SBNO2: variants seen among roughly 807,000 people sequenced by gnomAD.
The protein encoded by SBNO2 is protein strawberry notch homolog 2.
Under a neutral mutation model 146.3 loss-of-function variants are expected in SBNO2, and 89 were observed. The observed-to-expected ratio is 0.61, with a 90% CI of 0.51 to 0.73. SBNO2 has a LOEUF of 0.73. SBNO2 is among the 30% of genes least tolerant of loss of function. SBNO2 has a pLI of 0.00. For synonymous variants in SBNO2, 1,147 were observed against 892.6 expected (o/e 1.29, Z -5.08); for missense variants, 2,092 against 2,003.7 (o/e 1.04, Z -0.84).
Position 1,150,845 on chromosome 19 carries a change from TCCAGGACCCC to T in SBNO2, c.94-1413_94-1404del, listed in dbSNP as rs1195682935. 6.6e-6 allele frequency among the ~76,000 whole-genome samples: 1 copy of T among 152,160 alleles called. No individual in the cohort carries two copies. Among genetic ancestry groups the T allele is most frequent in the Non-Finnish European group, 1.5e-5 (1 of 68,012 alleles). ...TACCCGCAGGTGCTGGGTGGGGGAT[TCCAGGACCCC>T]CGACAGCCTCGAGATAGGCAAAGCC... On this transcript the variant is annotated intron_variant, in intron 2 of 31. Transcript: ENST00000361757. The surrounding 1 kb of genome is among the most constrained non-coding windows in gnomAD (Gnocchi z 6.2).
chr19:1,109,303 T>TG lies in SBNO2; in HGVS notation c.3336dup (p.Lys1113GlnfsTer41). On this transcript the variant is annotated frameshift_variant, in exon 29 of 32. Coordinates refer to ENST00000361757, the MANE Select transcript of SBNO2 (RefSeq NM_014963.3). LOFTEE classifies it high-confidence loss of function. The surrounding 1 kb of genome is among the most constrained non-coding windows in gnomAD (Gnocchi z 4.2). ...CGGCGGCCGCCTACCCGGTGGAACT[T>TG]GCGGCGGAGGCTGTCCAGGGCCTCC... 6.3e-7 allele frequency: 1 copy of TG among 1,596,402 alleles called. No individual in the cohort carries two copies. The highest frequency in any genetic ancestry group is 8.5e-7 in the Non-Finnish European group (1 of 1,172,662).
At chr19:1,156,752 T>C (rs2080293232) in intron 1 of SBNO2, among the ~76,000 whole-genome samples, 1 of 152,098 alleles carries the variant, frequency 6.6e-6, no homozygotes, top group Non-Finnish European at 1.5e-5. Flanking sequence ...CAGGCACAGA[T>C]GTGTGTGATC....
intron 4 of SBNO2, among the ~76,000 whole-genome samples, chr19:1,139,790 G>T (rs2080118400): frequency 6.6e-6 from 1 of 151,410 alleles, no homozygotes; most frequent in African/African-American, 2.4e-5. Flanking sequence ...GTGAGACTTT[G>T]TCTCAAAAAT....
intron 1 of SBNO2, among the ~76,000 whole-genome samples, chr19:1,167,945 CT>C (rs1031248595): frequency 1.4e-4 from 22 of 152,306 alleles, no homozygotes; most frequent in African/African-American, 4.3e-4. Flanking sequence ...GAGTATCCCC[CT>C]CTCAGTGTAA....
intron 1 of SBNO2, among the ~76,000 whole-genome samples, chr19:1,172,570 C>G (rs1027303708): frequency 6.6e-6 from 1 of 152,176 alleles, no homozygotes; most frequent in Non-Finnish European, 1.5e-5. Flanking sequence ...GGAGGGCACC[C>G]GAAACAGCAC....
At position 1,109,295 on chromosome 19, in the gene SBNO2, G is replaced by A. The variant is rs1179343666; in HGVS notation, c.3345C>T (p.His1115=). The part of the protein sequence containing the change: ...EALDSLRRKF[H]RVTAEEAKEP... ...GCTGCGCCCGGCGGCCGCCTACCCGGTGGAACTTGCGGCGGAGGCTGTCCA... is the reference window on the plus strand; with the variant it reads ...GCTGCGCCCGGCGGCCGCCTACCCGATGGAACTTGCGGCGGAGGCTGTCCA... Residue 1115 remains histidine, a synonymous_variant, in exon 29 of 32, where the codon CAC becomes CAT. Coordinates refer to ENST00000361757, the MANE Select transcript of SBNO2 (RefSeq NM_014963.3). This position sits in a 1 kb window ranked among gnomAD's most constrained non-coding sequence, Gnocchi z 4.2. 6.3e-7 allele frequency: 1 copy of A among 1,594,666 alleles called. No homozygotes were observed. Among genetic ancestry groups the A allele is most frequent in the East Asian group, 2.3e-5 (1 of 43,998 alleles).
At position 1,109,466 on chromosome 19, in the gene SBNO2, G is replaced by A. The variant is rs1315877152; in HGVS notation, c.3216+40C>T. 7.7e-6 allele frequency: 12 copies of A among 1,568,302 alleles called. No homozygotes were observed. The highest frequency in any genetic ancestry group is 1.9e-5 in the Admixed American group (1 of 52,648). The stretch of plus-strand genomic sequence containing the variant: ...GAGGCCGCGCCCCGGTCCGCCCCCC[G>A]CGGGCCCTCCTCTGGGGGGGTAACC... On this transcript the variant is annotated intron_variant, in intron 28 of 31. Coordinates refer to ENST00000361757, the MANE Select transcript of SBNO2 (RefSeq NM_014963.3). This position sits in a 1 kb window ranked among gnomAD's most constrained non-coding sequence, Gnocchi z 4.2.
rs1444278904 is a variant in SBNO2, at chr19:1,173,075, T to C, written c.-127+1097A>G. 6.6e-6 allele frequency among the ~76,000 whole-genome samples: 1 copy of C among 151,416 alleles called. No individual in the cohort carries two copies. Among genetic ancestry groups the C allele is most frequent in the Non-Finnish European group, 1.5e-5 (1 of 67,868 alleles). Reference sequence around the variant, plus strand: ...ACCGTCCCTGCCCCAGCACCATCCGTGCCCGGCGTCCCTGGAGGCGCTGGG... The same window carrying C: ...ACCGTCCCTGCCCCAGCACCATCCGCGCCCGGCGTCCCTGGAGGCGCTGGG... On this transcript the variant is annotated intron_variant, in intron 1 of 31. Coordinates refer to ENST00000361757, the MANE Select transcript of SBNO2 (RefSeq NM_014963.3). The surrounding 1 kb of genome is among the most constrained non-coding windows in gnomAD (Gnocchi z 4.7).
chr19:1,107,958 C>A lies in SBNO2; in HGVS notation c.*262G>T. ...CACTGAGCCCTTGTGGGTGCCCAGT[C>A]CCAGAGCAGCCACCCGGAGCCCCTT... On this transcript the variant is annotated 3_prime_UTR_variant, in exon 32 of 32. Transcript: ENST00000361757. 1 of 284,470 alleles carries A rather than the reference C, an allele frequency of 3.5e-6. No homozygotes were observed. The highest frequency in any genetic ancestry group is 6.6e-6 in the Non-Finnish European group (1 of 151,002). The allele number at this position is 284,470 out of a possible 1,614,324, so 17.6% of individuals were successfully genotyped here. A position where few individuals can be genotyped will look rare whatever the true frequency, so the allele number is the denominator to read the frequency against.
intron 5 of SBNO2, among the ~76,000 whole-genome samples, chr19:1,125,393 G>A (rs932878369): frequency 4.7e-5 from 7 of 150,134 alleles, no homozygotes; most frequent in African/African-American, 7.4e-5. Context: ...AGCGTGGGCC[G>A]GGCATGGTGG....
At chr19:1,155,149 A>G (rs2080278733) in intron 1 of SBNO2, 1 of 152,146 alleles carries the variant, frequency 6.6e-6, no homozygotes, top group South Asian at 2.1e-4. Context: ...GCGTCCGCCC[A>G]GCATGCTCAC....
chr19:1,110,862 G>A lies in SBNO2; in HGVS notation c.2911C>T (p.Arg971Cys), dbSNP rs774717752. ...TTGTGCACCTCCAGCCCCAGGATGC[G>A]GTTCAGGAACTTGGTGATGGAACAG... ...KDCSITKFLN[R>C]ILGLEVHKQN... The change falls in exon 26 of 32, where the codon CGC (arginine) becomes TGC (cysteine). Residue 971 changes from arginine to cysteine, a missense_variant. By Grantham distance (180) the Arg-to-Cys change is radical. Transcript: ENST00000361757. This position sits in a 1 kb window ranked among gnomAD's most constrained non-coding sequence, Gnocchi z 4.9. 3.7e-6 allele frequency: 6 copies of A among 1,613,598 alleles called. No individual in the cohort carries two copies. The highest frequency in any genetic ancestry group is 5.1e-6 in the Non-Finnish European group (6 of 1,179,754).
intron 1 of SBNO2, among the ~76,000 whole-genome samples, chr19:1,163,752 C>G (rs993172663): frequency 2.0e-5 from 3 of 152,240 alleles, no homozygotes; most frequent in Non-Finnish European, 2.9e-5. Flanking sequence ...CCTGACATTT[C>G]TCAAGCATGC....
At position 1,108,382 on chromosome 19, in the gene SBNO2, C is replaced by T; in HGVS notation, c.3939G>A (p.Lys1313=). Residue 1313 remains lysine (K), a synonymous_variant, in exon 32 of 32, where the codon AAG becomes AAA. Coordinates refer to ENST00000361757, the MANE Select transcript of SBNO2 (RefSeq NM_014963.3). ...LAHQGCDINF[K]EVLEDMLRSL... Reference sequence around the variant, plus strand: ...AGCGCAGCATGTCCTCCAGCACCTCCTTGAAGTTGATGTCGCAGCCCTGGT... The same window carrying T: ...AGCGCAGCATGTCCTCCAGCACCTCTTTGAAGTTGATGTCGCAGCCCTGGT... 2.3e-6 allele frequency: 3 copies of T among 1,288,982 alleles called. No individual in the cohort carries two copies. Among genetic ancestry groups the T allele is most frequent in the East Asian group, 3.9e-5 (1 of 25,338 alleles). The allele number at this position is 1,288,982 out of a possible 1,614,324, so 79.8% of individuals were successfully genotyped here. A position where few individuals can be genotyped will look rare whatever the true frequency, so the allele number is the denominator to read the frequency against.
At chr19:1,119,825 G>A (rs1004475744) in intron 12 of SBNO2, 81 bp downstream of exon 12, 25 of 1,140,514 alleles carry the variant, frequency 2.2e-5, no homozygotes, top group East Asian at 2.1e-4. Flanking sequence ...CTGAGTACGC[G>A]TGTGGGATAC....
chr19:1,155,299 G>A (rs966625430), intron 1 of SBNO2, among the ~76,000 whole-genome samples: 1 of 152,208 alleles, frequency 6.6e-6, no homozygotes, highest in African/African-American at 2.4e-5. Flanking sequence ...GCACGTCTCT[G>A]CCCGGCGCTC....
At position 1,109,643 on chromosome 19, in the gene SBNO2, G is replaced by C. The variant is rs1000843533; in HGVS notation, c.3123+40C>G. The C allele has an allele frequency of 1.4e-5, 23 of 1,589,684 alleles. No homozygotes were observed. Among genetic ancestry groups the C allele is most frequent in the Non-Finnish European group, 2.0e-5 (23 of 1,166,842 alleles). On this transcript the variant is annotated intron_variant, in intron 27 of 31. Coordinates refer to ENST00000361757, the MANE Select transcript of SBNO2 (RefSeq NM_014963.3). This position sits in a 1 kb window ranked among gnomAD's most constrained non-coding sequence, Gnocchi z 4.2. ...GGGGGTGTGAGTGTGGTGGGGGCGG[G>C]GTGGGCAGAGTGTGAGGGGCTGTGG...
chr19:1,131,815 C>T (rs1315831492), intron 4 of SBNO2, among the ~76,000 whole-genome samples: 2 of 152,352 alleles, frequency 1.3e-5, no homozygotes, highest in East Asian at 3.9e-4. Context: ...CTGAGCCCGA[C>T]CCCCCCACTC....
intron 1 of SBNO2, among the ~76,000 whole-genome samples, chr19:1,166,246 C>CTTCAGATCCCCAGATCCCAGAT (rs71174349): frequency 2.1e-5 from 3 of 144,370 alleles, no homozygotes; most frequent in East Asian, 4.0e-4. Context: ...AGATCCCAGA[C>CTTCAGATCCCCAGATCCCAGAT]CCCAGCCCAG....
Sources: allele counts gnomAD v4.1 joint callset (sites outside exome capture counted in the v4.1 genomes callset), GRCh38; gene constraint gnomAD v4.1.1; non-coding constraint Gnocchi (gnomAD v3.1); transcripts MANE v1.5; gene names NCBI Gene and HGNC (gene_info 2026-07-23, HGNC 2026-07-21).